Variants in RBFOX1 observed in about 807,000 individuals in gnomAD.
RBFOX1 encodes the protein RNA binding protein fox-1 homolog 1.
A neutral mutation model predicts 57.7 loss-of-function variants in RBFOX1; 8 were observed. The ratio of observed to expected loss-of-function variants is 0.14; its 90% CI spans 0.08 to 0.25. The LOEUF (loss-of-function observed/expected upper bound fraction) is 0.25, where lower values mean the gene tolerates loss of function less well. RBFOX1 is among the 10% of genes least tolerant of loss of function. The pLI, the probability that RBFOX1 is intolerant of heterozygous loss-of-function variation, is 1.00. For synonymous variants in RBFOX1, 326 were observed against 222.4 expected (o/e 1.47, Z -4.15); for missense variants, 611 against 548.5 (o/e 1.11, Z -1.14).
intron 1 of RBFOX1, among the ~76,000 whole-genome samples, chr16:6,281,681 C>A (rs77753884): frequency 0.019 from 2,841 of 152,138 alleles, 44 homozygotes; most frequent in South Asian, 0.033. Context: ...TTTGTGCCGA[C>A]GTAATAACAA....
chr16:6,723,221 G>C (rs1167391039), intron 3 of RBFOX1, among the ~76,000 whole-genome samples: 1 of 152,170 alleles, frequency 6.6e-6, no homozygotes, highest in Non-Finnish European at 1.5e-5. Flanking sequence ...TTACATTGTG[G>C]CTTTCCCACT....
At chr16:6,556,992 C>CATACGTATAT (rs2097106857) in intron 2 of RBFOX1, among the ~76,000 whole-genome samples, 2 of 139,976 alleles carry the variant, frequency 1.4e-5, no homozygotes, top group East Asian at 4.4e-4. Context: ...CGTATATATA[C>CATACGTATAT]ATACATATAT....
intron 4 of RBFOX1, among the ~76,000 whole-genome samples, chr16:7,283,187 T>C (rs1467404718): frequency 6.6e-6 from 1 of 152,002 alleles, no homozygotes; most frequent in African/African-American, 2.4e-5. Flanking sequence ...TGATTTTCCA[T>C]AGTGGTGGGT....
intron 4 of RBFOX1, among the ~76,000 whole-genome samples, chr16:7,236,820 A>G (rs1922585): frequency 0.78 from 118,471 of 152,128 alleles, 47,239 homozygotes; most frequent in East Asian, 0.97. Flanking sequence ...TTGTCAACAT[A>G]TCTTGTCCTC....
intron 4 of RBFOX1, among the ~76,000 whole-genome samples, chr16:6,001,311 A>G (rs2060595733): frequency 6.6e-6 from 1 of 152,198 alleles, no homozygotes; most frequent in African/African-American, 2.4e-5. Flanking sequence ...GATTTATGTA[A>G]GAGTTACTGG....
intron 4 of RBFOX1, among the ~76,000 whole-genome samples, chr16:7,060,168 T>C (rs1291892377): frequency 2.0e-5 from 3 of 152,136 alleles, no homozygotes; most frequent in Non-Finnish European, 2.9e-5. Context: ...CTGAAGGCCA[T>C]AGGGTCTCCA....
intron 3 of RBFOX1, among the ~76,000 whole-genome samples, chr16:5,827,609 A>C (rs1007639665): frequency 7.2e-5 from 11 of 152,016 alleles, no homozygotes; most frequent in Admixed American, 5.2e-4. Flanking sequence ...ACTCAACTCT[A>C]CTGCAGTGTG....
chr16:5,790,862 T>A (rs968795410), intron 3 of RBFOX1, among the ~76,000 whole-genome samples: 2 of 132,506 alleles, frequency 1.5e-5, no homozygotes, highest in Non-Finnish European at 3.1e-5. Flanking sequence ...GGTCTTTATT[T>A]TTTTTTTTTT....
At position 7,230,023 on chromosome 16, in the gene RBFOX1, GGGAA is replaced by G. The variant is rs764781225; in HGVS notation, c.27+177936_27+177939del. Among the ~76,000 whole-genome samples, 341 of 114,092 alleles carry G rather than the reference GGGAA, an allele frequency of 3.0e-3. 10 individuals are homozygous for G. Among genetic ancestry groups the G allele is most frequent in the Non-Finnish European group, 4.9e-3 (271 of 55,610 alleles). The allele number at this position is 114,092 out of a possible 152,430, so 74.8% of individuals were successfully genotyped here. A position where few individuals can be genotyped will look rare whatever the true frequency, so the allele number is the denominator to read the frequency against. On this transcript the variant is annotated intron_variant, in intron 4 of 15. Coordinates refer to ENST00000550418, the MANE Select transcript of RBFOX1 (RefSeq NM_018723.4). ...GGAAGGGAGAGAGAGGGAGGAAGAG[GGGAA>G]GGAAGGAAGGGAGAGAGAGGAAGGA...
intron 3 of RBFOX1, among the ~76,000 whole-genome samples, chr16:5,727,830 G>A (rs565120176): frequency 1.3e-5 from 2 of 152,170 alleles, no homozygotes; most frequent in African/African-American, 4.8e-5. Context: ...TGGGACTACA[G>A]GTGTGCGCCA....
At chr16:6,221,904 T>G (rs1247750311) in intron 1 of RBFOX1, among the ~76,000 whole-genome samples, 1 of 152,204 alleles carries the variant, frequency 6.6e-6, no homozygotes, top group Non-Finnish European at 1.5e-5. Flanking sequence ...AAGATGAAAT[T>G]TGGGTGGGGA....
intron 4 of RBFOX1, among the ~76,000 whole-genome samples, chr16:7,383,305 A>G (rs769491088): frequency 5.9e-5 from 9 of 151,988 alleles, no homozygotes; most frequent in Non-Finnish European, 1.3e-4. Flanking sequence ...AACACTAGGC[A>G]CGCATTTTAT....
chr16:6,895,418 A>ATATGTGTG (rs1412693999), intron 3 of RBFOX1, among the ~76,000 whole-genome samples: 1 of 86,934 alleles, frequency 1.2e-5, no homozygotes, highest in African/African-American at 4.5e-5. Flanking sequence ...TTAGTAATAT[A>ATATGTGTG]TGTGTGTGTG....
At chr16:6,465,197 A>G (rs980504176) in intron 2 of RBFOX1, among the ~76,000 whole-genome samples, 3 of 152,204 alleles carry the variant, frequency 2.0e-5, no homozygotes. Flanking sequence ...GTCTAAGACT[A>G]TATAGATGTG....
At chr16:6,679,376 G>C (rs962131659) in intron 3 of RBFOX1, among the ~76,000 whole-genome samples, 1 of 152,070 alleles carries the variant, frequency 6.6e-6, no homozygotes, top group Non-Finnish European at 1.5e-5. Context: ...TGCTTGTCTT[G>C]CTATATTGGT....
chr16:7,617,254 A>T (rs1289763422), intron 10 of RBFOX1, among the ~76,000 whole-genome samples: 1 of 152,216 alleles, frequency 6.6e-6, no homozygotes, highest in East Asian at 1.9e-4. Flanking sequence ...GAGTTCTGCC[A>T]TTGCCGTGTA....
At chr16:6,530,398 C>T (rs551261500) in intron 2 of RBFOX1, among the ~76,000 whole-genome samples, 1 of 152,160 alleles carries the variant, frequency 6.6e-6, no homozygotes, top group Non-Finnish European at 1.5e-5. Context: ...AAGAGGCTCA[C>T]CTGCAAGATG....
chr16:5,254,959 C>T (rs1567239827), intron 1 of RBFOX1, among the ~76,000 whole-genome samples: 1 of 152,152 alleles, frequency 6.6e-6, no homozygotes, highest in Non-Finnish European at 1.5e-5. Context: ...GATAAGCATC[C>T]TCAATGTGAT....
At chr16:5,273,513 G>T (rs1238480847) in intron 1 of RBFOX1, among the ~76,000 whole-genome samples, 1 of 152,180 alleles carries the variant, frequency 6.6e-6, no homozygotes, top group Non-Finnish European at 1.5e-5. Flanking sequence ...GAAGAGGGCG[G>T]GTGAAGCTTT....
Sources: gnomAD v4.1 joint callset for allele counts (sites outside exome capture counted in the v4.1 genomes callset) on GRCh38, gnomAD v4.1.1 for gene constraint, MANE v1.5 for transcripts, NCBI Gene and HGNC (gene_info 2026-07-23, HGNC 2026-07-21) for gene names.